The following RASAL2 variants were observed in gnomAD, a reference collection of about 807,000 sequenced individuals.
RASAL2 encodes the protein RAS protein activator like 2.
Under a neutral mutation model 128.9 loss-of-function variants are expected in RASAL2, and 58 were observed. That is an observed-to-expected ratio of 0.45 (90% confidence interval 0.36 to 0.56). The LOEUF is 0.56. RASAL2 is among the 20% of genes least tolerant of loss of function. RASAL2 has a pLI of 0.00. For missense variants in RASAL2, 1,360 were observed against 1,601.6 expected (o/e 0.85, Z 2.57); for synonymous variants, 561 against 580.8 (o/e 0.97, Z 0.49).
chr1:178,145,570 A>AAT lies in RASAL2; in HGVS notation c.202+50876_202+50877insAT, dbSNP rs10690864. Reference sequence around the variant, plus strand: ...TGACTTTGACAAAAAAAAAAAAAAAAGGGGGAGTATATTAGTTTTAAGTTT... The same window carrying AAT: ...TGACTTTGACAAAAAAAAAAAAAAAAATGGGGGAGTATATTAGTTTTAAGTTT... On this transcript the variant is annotated intron_variant, in intron 1 of 17. Coordinates refer to ENST00000367649, the MANE Select transcript of RASAL2 (RefSeq NM_170692.4). 1.4e-3 allele frequency among the ~76,000 whole-genome samples: 209 copies of AAT among 149,866 alleles called. 1 individual carries two copies. The highest frequency in any genetic ancestry group is 4.9e-3 in the African/African-American group (200 of 40,918).
In RASAL2 at chr1:178,283,626, A is replaced by G. The variant is rs1475052597; in HGVS notation, c.265A>G (p.Thr89Ala). 2.5e-6 allele frequency: 4 copies of G among 1,613,934 alleles called. No individual in the cohort carries two copies. The South Asian group carries it at 3.3e-5, about 13-fold the overall frequency. ...TCAGTCACCCTACACCGAGACAACAACGTGGGAGCGGAAGTATTGCATCCT... is the reference window on the plus strand; with the variant it reads ...TCAGTCACCCTACACCGAGACAACAGCGTGGGAGCGGAAGTATTGCATCCT... ...CGQSPYTETT[T>A]WERKYCILTD... The change falls in exon 2 of 18, where the codon ACG becomes GCG. Residue 89 changes from threonine to alanine, a missense_variant. Physicochemically the swap from Thr to Ala is moderately conservative, Grantham distance 58 (BLOSUM62 0). Around this residue, in one of 3 missense-constraint regions of RASAL2, gnomAD observed 617 missense variants for 714.2 expected, o/e 0.86. Coordinates refer to ENST00000367649, the MANE Select transcript of RASAL2 (RefSeq NM_170692.4).
intron 3 of RASAL2, among the ~76,000 whole-genome samples, chr1:178,353,979 AAG>A (rs1491147247): frequency 6.6e-5 from 10 of 151,776 alleles, no homozygotes; most frequent in African/African-American, 2.2e-4. Flanking sequence ...CCAAAAAAAA[AAG>A]AAGAAGGAAG....
At chr1:178,174,263 GAA>G (rs1187704490) in intron 1 of RASAL2, among the ~76,000 whole-genome samples, 1 of 151,900 alleles carries the variant, frequency 6.6e-6, no homozygotes, top group Non-Finnish European at 1.5e-5. Context: ...AGTCATTTTA[GAA>G]TACTATATCT....
intron 4 of RASAL2, among the ~76,000 whole-genome samples, chr1:178,400,107 C>T (rs186870374): frequency 3.3e-5 from 5 of 152,248 alleles, no homozygotes; most frequent in Admixed American, 6.5e-5. Flanking sequence ...GTCAGTCGCC[C>T]GCTGAAGGCT....
At chr1:178,197,560 G>A (rs1662702248) in intron 1 of RASAL2, among the ~76,000 whole-genome samples, 1 of 147,732 alleles carries the variant, frequency 6.8e-6, no homozygotes, top group Non-Finnish European at 1.5e-5. Flanking sequence ...AGTGAGCCAA[G>A]ATTGTGCCAC....
chr1:178,413,572 T>G (rs1224757563), intron 4 of RASAL2, among the ~76,000 whole-genome samples: 1 of 152,184 alleles, frequency 6.6e-6, no homozygotes, highest in East Asian at 1.9e-4. Flanking sequence ...ACCTAGTATT[T>G]AGCATATCCA....
intron 1 of RASAL2, among the ~76,000 whole-genome samples, chr1:178,108,901 A>C (rs112257101): frequency 4.2e-3 from 643 of 152,324 alleles, no homozygotes; most frequent in African/African-American, 0.015. Context: ...GAGCCATTTG[A>C]ATAGTTTTGT....
intron 1 of RASAL2, among the ~76,000 whole-genome samples, chr1:178,130,720 AAATATT>A (rs747856879): frequency 3.0e-4 from 45 of 152,232 alleles, no homozygotes; most frequent in African/African-American, 1.1e-3. Flanking sequence ...AGATGTAATC[AAATATT>A]AATCTTGGTC....
At chr1:178,407,872 G>A (rs1674091908) in intron 4 of RASAL2, among the ~76,000 whole-genome samples, 5 of 152,168 alleles carry the variant, frequency 3.3e-5, no homozygotes, top group Admixed American at 3.3e-4. Context: ...TTGCATAGCA[G>A]CAGTTTTATT....
chr1:178,295,020 A>T (rs961661970), intron 2 of RASAL2, among the ~76,000 whole-genome samples: 1 of 151,944 alleles, frequency 6.6e-6, no homozygotes, highest in Non-Finnish European at 1.5e-5. Context: ...AAACCTGACT[A>T]CTCCAGGAAT....
chr1:178,462,458 A>G (rs956236674), intron 14 of RASAL2, among the ~76,000 whole-genome samples: 13 of 152,194 alleles, frequency 8.5e-5, no homozygotes, highest in African/African-American at 3.1e-4. Context: ...AGCAACGCTT[A>G]TAAGACCAAG....
intron 4 of RASAL2, chr1:178,411,900 G>A (rs1674413946): frequency 1.5e-6 from 1 of 687,714 alleles, no homozygotes; most frequent in Non-Finnish European, 2.7e-6. Flanking sequence ...GGGCCAGTCG[G>A]CCTTCAGAGC....
chr1:178,357,561 T>C (rs1350944956), intron 3 of RASAL2, among the ~76,000 whole-genome samples: 3 of 152,176 alleles, frequency 2.0e-5, no homozygotes, highest in Admixed American at 1.3e-4. Context: ...TTTGGCCTTT[T>C]ATTCATGTAC....
intron 1 of RASAL2, among the ~76,000 whole-genome samples, chr1:178,262,755 A>G (rs1665757097): frequency 6.6e-6 from 1 of 151,900 alleles, no homozygotes; most frequent in Admixed American, 6.6e-5. Context: ...GCTATTAAAA[A>G]GATTTTTTTC....
chr1:178,472,942 G>T, intron 17 of RASAL2, 133 bp from the exon 18 acceptor site: 1 of 1,009,476 alleles, frequency 9.9e-7, no homozygotes, highest in Non-Finnish European at 1.5e-6. Context: ...GAAAGAGGCA[G>T]AGACGTTCCA....
intron 1 of RASAL2, among the ~76,000 whole-genome samples, chr1:178,109,275 T>C (rs923505467): frequency 3.3e-5 from 5 of 152,120 alleles, no homozygotes; most frequent in Non-Finnish European, 7.4e-5. Flanking sequence ...TTTGTTTTGT[T>C]TTTTTTTCCT....
At chr1:178,344,265 C>T (rs541370463) in intron 3 of RASAL2, among the ~76,000 whole-genome samples, 26 of 152,288 alleles carry the variant, frequency 1.7e-4, no homozygotes, top group African/African-American at 6.0e-4. Flanking sequence ...AAACTTTTGA[C>T]TCATTGAAAG....
chr1:178,461,398 G>A (rs766311525), intron 14 of RASAL2, among the ~76,000 whole-genome samples: 18 of 152,162 alleles, frequency 1.2e-4, no homozygotes, highest in Non-Finnish European at 2.6e-4. Context: ...AGTCTTCTAC[G>A]TCTAATGAGT....
At chr1:178,123,521 A>G (rs912111827) in intron 1 of RASAL2, among the ~76,000 whole-genome samples, 2 of 152,200 alleles carry the variant, frequency 1.3e-5, no homozygotes, top group Non-Finnish European at 2.9e-5. Flanking sequence ...TGTTGCGCTA[A>G]GTAGATATAG....
Sources: gnomAD v4.1 joint callset for allele counts (sites outside exome capture counted in the v4.1 genomes callset) on GRCh38, gnomAD v4.1.1 for gene constraint, gnomAD v4.1.1 regional missense constraint, MANE v1.5 for transcripts, NCBI Gene and HGNC (gene_info 2026-07-23, HGNC 2026-07-21) for gene names.